CWH43: variants seen among roughly 807,000 people sequenced by gnomAD.
CWH43 encodes the protein cell wall biogenesis 43 C-terminal homolog, also known as PGAP2-interacting protein.
Under a neutral mutation model 85.7 loss-of-function variants are expected in CWH43, and 91 were observed. That is an observed-to-expected ratio of 1.06 (90% CI 0.90 to 1.26). CWH43 has a LOEUF of 1.26. Ranked by LOEUF, CWH43 falls within the 50% of genes most tolerant of loss-of-function variation. The pLI, the probability that CWH43 is intolerant of heterozygous loss-of-function variation, is 0.00. For synonymous variants in CWH43, 323 were observed against 293.6 expected (o/e 1.10, Z -1.02); for missense variants, 869 against 839.2 (o/e 1.04, Z -0.44).
chr4:49,021,518 T>G (rs1577680755), intron 9 of CWH43, among the ~76,000 whole-genome samples: 1 of 152,204 alleles, frequency 6.6e-6, no homozygotes, highest in East Asian at 1.9e-4. Flanking sequence ...TACTTAGTCT[T>G]GCTTTGGCTA....
chr4:49,048,207 T>C (rs1784686905), intron 14 of CWH43, among the ~76,000 whole-genome samples: 1 of 152,020 alleles, frequency 6.6e-6, no homozygotes, highest in South Asian at 2.1e-4. Flanking sequence ...TAGTAACTGG[T>C]ACCCATAATA....
intron 15 of CWH43, among the ~76,000 whole-genome samples, chr4:49,059,269 T>C (rs1486784779): frequency 6.6e-6 from 1 of 152,222 alleles, no homozygotes; most frequent in Non-Finnish European, 1.5e-5. Context: ...AGTTTAGTTA[T>C]GATGTTCCTT....
intron 9 of CWH43, among the ~76,000 whole-genome samples, chr4:49,021,326 A>G (rs151076115): frequency 2.0e-5 from 3 of 151,990 alleles, no homozygotes; most frequent in Non-Finnish European, 4.4e-5. Flanking sequence ...TTTCCACTTT[A>G]TGTTTTTGTT....
chr4:49,030,270 A>T (rs1784052712), intron 10 of CWH43, among the ~76,000 whole-genome samples: 1 of 152,208 alleles, frequency 6.6e-6, no homozygotes, highest in Non-Finnish European at 1.5e-5. Flanking sequence ...TAAGTAAAGG[A>T]CTAACCTGTT....
chr4:49,027,634 C>A (rs1161390126), intron 9 of CWH43, among the ~76,000 whole-genome samples: 2 of 152,074 alleles, frequency 1.3e-5, no homozygotes, highest in African/African-American at 2.4e-5. Context: ...GTGAAATAAG[C>A]ATATTTTGGA....
In CWH43 at chr4:49,030,856, T is replaced by A. The variant is rs1158251901; in HGVS notation, c.1404T>A (p.Asp468Glu). Reference sequence around the variant, plus strand: ...ATTTCATAACAATTTTGGAGAGTGATGCTTCTAAGCCCTATATGGGGAACA... The same window carrying A: ...ATTTCATAACAATTTTGGAGAGTGAAGCTTCTAAGCCCTATATGGGGAACA... ...GADFITILES[D>E]ASKPYMGNND... Residue 468 changes from aspartate to glutamate, a missense_variant, in exon 11 of 16, where the codon GAT (aspartate) becomes GAA (glutamate). Physicochemically the swap from Asp to Glu is conservative, Grantham distance 45. Around this residue, in one of 3 missense-constraint regions of CWH43, gnomAD observed 577 missense variants for 513.1 expected, o/e 1.12. Coordinates refer to ENST00000226432, the MANE Select transcript of CWH43 (RefSeq NM_025087.3). 1 of 1,591,712 alleles carries A rather than the reference T, an allele frequency of 6.3e-7. No individual in the cohort carries two copies. Among genetic ancestry groups the A allele is most frequent in the Non-Finnish European group, 8.5e-7 (1 of 1,172,928 alleles).
intron 10 of CWH43, among the ~76,000 whole-genome samples, chr4:49,030,231 TA>T (rs1784051597): frequency 6.6e-6 from 1 of 152,254 alleles, no homozygotes; most frequent in Non-Finnish European, 1.5e-5. Flanking sequence ...TTTTGGTTTG[TA>T]GACCAACTAC....
intron 6 of CWH43, 66 bp downstream of exon 6, chr4:48,998,614 G>A: frequency 1.7e-6 from 2 of 1,156,972 alleles, no homozygotes; most frequent in South Asian, 1.2e-5. Context: ...TTGCAAGCAT[G>A]CGCAACTCGA....
intron 7 of CWH43, among the ~76,000 whole-genome samples, chr4:49,004,692 T>C (rs1222373268): frequency 6.6e-6 from 1 of 152,194 alleles, no homozygotes; most frequent in Non-Finnish European, 1.5e-5. Context: ...ACCTAGACTC[T>C]ATTATTTTTA....
chr4:49,022,626 C>G (rs1163350261), intron 9 of CWH43, among the ~76,000 whole-genome samples: 4 of 152,126 alleles, frequency 2.6e-5, no homozygotes, highest in Non-Finnish European at 5.9e-5. Context: ...AGGATTGGTA[C>G]CAATTCTTCT....
intron 8 of CWH43, among the ~76,000 whole-genome samples, chr4:49,012,674 T>G (rs1354125975): frequency 2.0e-5 from 3 of 152,326 alleles, no homozygotes; most frequent in Non-Finnish European, 2.9e-5. Context: ...ATGTCCTTTT[T>G]GTTGATGCTG....
intron 14 of CWH43, among the ~76,000 whole-genome samples, chr4:49,049,143 C>T (rs2109837248): frequency 6.6e-6 from 1 of 152,230 alleles, no homozygotes; most frequent in African/African-American, 2.4e-5. Context: ...AAGACAGTGA[C>T]CTAGAATTAC....
intron 8 of CWH43, among the ~76,000 whole-genome samples, chr4:49,013,416 G>A (rs1370857400): frequency 6.6e-6 from 1 of 152,232 alleles, no homozygotes. Flanking sequence ...CCTTGGCTAG[G>A]AAAGGGAAAT....
chr4:49,039,845 T>C (rs1203279183), intron 13 of CWH43, among the ~76,000 whole-genome samples: 1 of 152,064 alleles, frequency 6.6e-6, no homozygotes, highest in Non-Finnish European at 1.5e-5. Flanking sequence ...GCTGCACCCA[T>C]TAACTCGTCA....
chr4:49,043,880 G>A (rs1442575185), intron 13 of CWH43, among the ~76,000 whole-genome samples: 1 of 151,564 alleles, frequency 6.6e-6, no homozygotes, highest in Non-Finnish European at 1.5e-5. Context: ...TATACAAAAG[G>A]TATATGTATG....
chr4:49,055,249 T>C (rs2109846653), intron 15 of CWH43, among the ~76,000 whole-genome samples: 1 of 152,332 alleles, frequency 6.6e-6, no homozygotes, highest in East Asian at 1.9e-4. Context: ...TTTTTCTGCA[T>C]CTATTGAGAT....
intron 8 of CWH43, among the ~76,000 whole-genome samples, chr4:49,010,250 T>C (rs1783310562): frequency 6.6e-6 from 1 of 152,234 alleles, no homozygotes; most frequent in South Asian, 2.1e-4. Flanking sequence ...CTAGATTTTC[T>C]AGTTTATTTG....
intron 15 of CWH43, among the ~76,000 whole-genome samples, chr4:49,058,398 C>A (rs979092088): frequency 3.6e-4 from 55 of 152,132 alleles, no homozygotes; most frequent in African/African-American, 1.3e-3. Flanking sequence ...ATTGATGTCA[C>A]AATTCATGTA....
chr4:48,986,370 C>A lies in CWH43; in HGVS notation c.-60C>A. The A allele has an allele frequency of 6.6e-7, 1 of 1,504,588 alleles. No individual in the cohort carries two copies. 93.2% of individuals were successfully genotyped at this position (1,504,588 alleles called of 1,614,324 possible). A position where few individuals can be genotyped will look rare whatever the true frequency, so the allele number is the denominator to read the frequency against. On this transcript the variant is annotated 5_prime_UTR_variant, in exon 1 of 16. Transcript: ENST00000226432. ...GCGGCGGGAACCTGGGGGCGCAGGG[C>A]TAGGGCAGCGGGCCCGACCCGCACG...
Sources: allele counts gnomAD v4.1 joint callset (sites outside exome capture counted in the v4.1 genomes callset), GRCh38; gene constraint gnomAD v4.1.1; regional missense constraint gnomAD v4.1.1; transcripts MANE v1.5; gene names NCBI Gene and HGNC (gene_info 2026-07-23, HGNC 2026-07-21).